RASSF4: variants seen among roughly 807,000 people sequenced by gnomAD.
The protein encoded by RASSF4 is ras association domain-containing protein 4.
RASSF4 carries 38 observed loss-of-function variants against 41.1 expected under a neutral mutation model. The ratio of observed to expected loss-of-function variants is 0.92; its 90% CI spans 0.71 to 1.21. The LOEUF (loss-of-function observed/expected upper bound fraction) is 1.21, where lower values mean the gene tolerates loss of function less well. RASSF4 is among the 50% of genes most tolerant of loss of function. RASSF4 has a pLI of 0.00. For missense variants in RASSF4, 414 were observed against 419.4 expected, an observed-to-expected ratio of 0.99 and a Z score of 0.11; for synonymous variants, 179 against 163.4, an observed-to-expected ratio of 1.10 and a Z score of -0.73.
At chr10:44,973,949 G>A (rs927728524) in intron 3 of RASSF4, among the ~76,000 whole-genome samples, 3 of 152,228 alleles carry the variant, frequency 2.0e-5, no homozygotes, top group Non-Finnish European at 2.9e-5. Context: ...GGTTTGACCC[G>A]GTCTCCATGG....
At chr10:44,982,073 C>T (rs866547944) in intron 3 of RASSF4, 12 of 231,462 alleles carry the variant, frequency 5.2e-5, no homozygotes, top group Middle Eastern at 3.1e-3. Flanking sequence ...AGAGTGCCCA[C>T]TTCTCCTCTG....
At chr10:44,980,557 T>C (rs2132789371) in intron 3 of RASSF4, among the ~76,000 whole-genome samples, 1 of 152,326 alleles carries the variant, frequency 6.6e-6, no homozygotes, top group African/African-American at 2.4e-5. Context: ...CCCCCGACCT[T>C]GTCCAGGCAG....
At chr10:44,987,983 A>ATAGG (rs989530959) in intron 6 of RASSF4, among the ~76,000 whole-genome samples, 2 of 152,182 alleles carry the variant, frequency 1.3e-5, no homozygotes, top group Admixed American at 6.5e-5. Flanking sequence ...GGGATACTGA[A>ATAGG]TAGGTCCTTG....
intron 1 of RASSF4, among the ~76,000 whole-genome samples, chr10:44,965,075 G>A (rs1840851345): frequency 1.3e-5 from 2 of 152,222 alleles, no homozygotes; most frequent in African/African-American, 4.8e-5. Flanking sequence ...AAAAATCACA[G>A]ACATGAGGCA....
At chr10:44,967,774 C>A (rs1840963984) in intron 1 of RASSF4, among the ~76,000 whole-genome samples, 1 of 152,114 alleles carries the variant, frequency 6.6e-6, no homozygotes, top group African/African-American at 2.4e-5. Flanking sequence ...CCCGCCCTCA[C>A]CCCCACCATG....
chr10:44,968,386 G>A (rs948050873), intron 1 of RASSF4, among the ~76,000 whole-genome samples: 6 of 152,184 alleles, frequency 3.9e-5, no homozygotes, highest in Non-Finnish European at 7.3e-5. Context: ...TAAGTCCCCA[G>A]CTCCAGGCCT....
At chr10:44,977,346 A>ATG in intron 3 of RASSF4, 1 of 1,515,686 alleles carries the variant, frequency 6.6e-7, no homozygotes, top group South Asian at 1.3e-5. Context: ...ACGAGAGGAG[A>ATG]TGCAGACCCA....
intron 1 of RASSF4, among the ~76,000 whole-genome samples, chr10:44,963,902 C>T (rs1424506287): frequency 1.3e-5 from 2 of 152,212 alleles, no homozygotes; most frequent in Non-Finnish European, 2.9e-5. Flanking sequence ...GAAGGAAAAG[C>T]AGGCAGCACA....
At position 44,993,505 on chromosome 10, in the gene RASSF4, C is replaced by A; in HGVS notation, c.*176C>A. 1.6e-6 allele frequency: 1 copy of A among 613,736 alleles called. No individual in the cohort carries two copies. 38.0% of individuals were successfully genotyped at this position (613,736 alleles called of 1,614,324 possible). ...GATTCCCACAGCCAGCTCTTGGCTC[C>A]AAGATGAGCACCCACAGGAAGCCGA... On this transcript the variant is annotated 3_prime_UTR_variant, in exon 11 of 11. Coordinates refer to ENST00000340258, the MANE Select transcript of RASSF4 (RefSeq NM_032023.4).
chr10:44,978,843 T>G (rs2080565645), intron 3 of RASSF4: 1 of 152,228 alleles, frequency 6.6e-6, no homozygotes, highest in African/African-American at 2.4e-5. Flanking sequence ...CTTTTATACC[T>G]TCCCAGCAGC....
At position 44,984,089 on chromosome 10, in the gene RASSF4, G is replaced by A; in HGVS notation, c.349G>A (p.Ala117Thr). ...QGPSIQPVHK[A>T]ESSTDSSGPL... is the part of the protein sequence containing the mutation. The stretch of plus-strand genomic sequence containing the variant: ...GCCAAGCATTCAGCCAGTGCACAAG[G>A]CTGAGAGTTCCACAGACAGCTCGGG... Residue 117 changes from alanine to threonine, a missense_variant, in exon 5 of 11, where the codon GCT becomes ACT. Physicochemically the swap from Ala to Thr is moderately conservative, Grantham distance 58. Transcript: ENST00000340258. 2 of 1,605,184 alleles carry A rather than the reference G, an allele frequency of 1.2e-6. No homozygotes were observed. Among genetic ancestry groups the A allele is most frequent in the Admixed American group, 1.7e-5 (1 of 58,908 alleles).
intron 2 of RASSF4, 122 bp from the exon 3 acceptor site, chr10:44,971,651 C>T (rs2274885): frequency 0.026 from 21,106 of 813,448 alleles, 1,729 homozygotes; most frequent in East Asian, 0.21. Context: ...TATGCCTGGC[C>T]GGCGAGAAGG....
intron 7 of RASSF4, 124 bp downstream of exon 7, chr10:44,989,499 C>A: frequency 1.1e-6 from 1 of 940,358 alleles, no homozygotes. Context: ...AGCAAGGGTC[C>A]CTCTGCTGAG....
intron 6 of RASSF4, 43 bp from the exon 7 acceptor site, chr10:44,989,231 C>T (rs548683623): frequency 2.4e-6 from 3 of 1,266,864 alleles, no homozygotes; most frequent in Admixed American, 1.7e-5. Context: ...AGTCCCTTGT[C>T]CCCTCTGGGC....
intron 3 of RASSF4, among the ~76,000 whole-genome samples, chr10:44,975,643 C>T (rs1400014324): frequency 6.8e-6 from 1 of 146,386 alleles, no homozygotes; most frequent in East Asian, 2.0e-4. Flanking sequence ...CTACAAGGGC[C>T]CCACCAGGAG....
At chr10:44,967,741 T>A (rs1840961493) in intron 1 of RASSF4, among the ~76,000 whole-genome samples, 1 of 152,204 alleles carries the variant, frequency 6.6e-6, no homozygotes, top group Non-Finnish European at 1.5e-5. Flanking sequence ...TGCTTGGGGC[T>A]GGAAACTAGT....
intron 3 of RASSF4, chr10:44,978,000 G>A (rs765645143): frequency 1.2e-6 from 2 of 1,611,170 alleles, no homozygotes; most frequent in South Asian, 2.2e-5. Flanking sequence ...GTGGGCAGAT[G>A]GGCCACGGAG....
chr10:44,993,311 G>T lies in RASSF4; in HGVS notation c.948G>T (p.Gln316His). ...TGACGATGCTGCAGCGCCTGGAGCAGCTGGTGGAGGCCAAGTAACTGGCCA... is the reference window on the plus strand; with the variant it reads ...TGACGATGCTGCAGCGCCTGGAGCATCTGGTGGAGGCCAAGTAACTGGCCA... ...LRLTMLQRLE[Q>H]LVEAK is the part of the protein sequence containing the mutation. Residue 316 changes from glutamine to histidine, a missense_variant, in exon 11 of 11, where the codon CAG becomes CAT. Gln to His is a conservative substitution (Grantham distance 24). Coordinates refer to ENST00000340258, the MANE Select transcript of RASSF4 (RefSeq NM_032023.4). The T allele has an allele frequency of 6.2e-7, 1 of 1,606,166 alleles. No homozygotes were observed.
intron 10 of RASSF4, among the ~76,000 whole-genome samples, chr10:44,992,305 C>T (rs1326149808): frequency 6.6e-6 from 1 of 152,232 alleles, no homozygotes; most frequent in East Asian, 1.9e-4. Context: ...AGGCAGGAAC[C>T]CAAGTGGGCG....
Sources: allele counts gnomAD v4.1 joint callset (sites outside exome capture counted in the v4.1 genomes callset), GRCh38; gene constraint gnomAD v4.1.1; transcripts MANE v1.5; gene names NCBI Gene and HGNC (gene_info 2026-07-23, HGNC 2026-07-21).